LRRC7: variants seen among roughly 807,000 people sequenced by gnomAD.
LRRC7 encodes the protein leucine rich repeat containing 7, also known as leucine-rich repeat-containing protein 7.
Under a neutral mutation model 175.7 loss-of-function variants are expected in LRRC7, and 23 were observed. The ratio of observed to expected loss-of-function variants is 0.13; its 90% confidence interval spans 0.09 to 0.19. The LOEUF is 0.19. LRRC7 is among the 10% of genes least tolerant of loss of function. The pLI is 1.00. For missense variants in LRRC7, 1,354 were observed against 1,904.7 expected (o/e 0.71, Z 5.38); for synonymous variants, 685 against 680.9 (o/e 1.01, Z -0.09).
intron 7 of LRRC7, among the ~76,000 whole-genome samples, chr1:69,852,685 T>A (rs1683119630): frequency 6.6e-6 from 1 of 152,238 alleles, no homozygotes; most frequent in Non-Finnish European, 1.5e-5. Flanking sequence ...ATTTGCTTTC[T>A]TAAGTTAGTT....
chr1:69,927,984 T>C (rs1647141717), intron 7 of LRRC7, among the ~76,000 whole-genome samples: 1 of 152,200 alleles, frequency 6.6e-6, no homozygotes, highest in Non-Finnish European at 1.5e-5. Flanking sequence ...AGATGGGTTT[T>C]TGCTGTGGAT....
chr1:69,764,778 T>TAGATAGATAGATAGATAGATAGAC (rs1427408341), intron 3 of LRRC7, among the ~76,000 whole-genome samples: 7 of 144,402 alleles, frequency 4.8e-5, no homozygotes, highest in African/African-American at 1.5e-4. Context: ...GATAGATAGA[T>TAGATAGATAGATAGATAGATAGAC]AGACAGACAG....
intron 2 of LRRC7, among the ~76,000 whole-genome samples, chr1:69,698,248 A>T (rs911663197): frequency 6.6e-6 from 1 of 152,346 alleles, no homozygotes; most frequent in East Asian, 1.9e-4. Context: ...ATTAAAGTGC[A>T]ATCGAGAGAG....
intron 3 of LRRC7, among the ~76,000 whole-genome samples, chr1:69,762,905 A>G (rs564008361): frequency 3.9e-5 from 6 of 152,128 alleles, no homozygotes; most frequent in African/African-American, 1.4e-4. Flanking sequence ...AAGAAATTTT[A>G]CATAATCTTT....
chr1:69,922,962 C>G (rs1040074371), intron 7 of LRRC7, among the ~76,000 whole-genome samples: 1 of 151,878 alleles, frequency 6.6e-6, no homozygotes, highest in African/African-American at 2.4e-5. Flanking sequence ...CCCTATCCCT[C>G]CCCCCTCCTG....
intron 1 of LRRC7, among the ~76,000 whole-genome samples, chr1:69,673,041 T>TA (rs1659308529): frequency 5.9e-5 from 9 of 152,196 alleles, no homozygotes; most frequent in Admixed American, 5.9e-4. Flanking sequence ...CCTGAATGAA[T>TA]TCAATGGACT....
At chr1:69,846,304 T>C (rs1682361537) in intron 7 of LRRC7, among the ~76,000 whole-genome samples, 1 of 152,088 alleles carries the variant, frequency 6.6e-6, no homozygotes, top group Admixed American at 6.6e-5. Flanking sequence ...AATGATAATA[T>C]TATGGTTAGC....
At chr1:69,979,211 G>C (rs1653157981) in intron 8 of LRRC7, among the ~76,000 whole-genome samples, 1 of 152,132 alleles carries the variant, frequency 6.6e-6, no homozygotes, top group Non-Finnish European at 1.5e-5. Context: ...GCACTAGTTA[G>C]CTGAGGCCTT....
Position 70,038,171 on chromosome 1 carries a change from G to C in LRRC7, c.2347G>C (p.Ala783Pro). The part of the protein sequence containing the change: ...DSKPLLSQRE[A>P]VPPGNIPQRP... Reference sequence around the variant, plus strand: ...AAAGCCATTACTCAGCCAGCGGGAGGCTGTTCCCCCAGGCAATATACCACA... The same window carrying C: ...AAAGCCATTACTCAGCCAGCGGGAGCCTGTTCCCCCAGGCAATATACCACA... Residue 783 changes from alanine (A) to proline (P), a missense_variant, in exon 21 of 27, where the codon GCT becomes CCT. Coordinates refer to ENST00000651989, the MANE Select transcript of LRRC7 (RefSeq NM_001370785.2). 6.2e-7 allele frequency: 1 copy of C among 1,613,968 alleles called. No homozygotes were observed. The highest frequency in any genetic ancestry group is 8.5e-7 in the Non-Finnish European group (1 of 1,179,956).
Position 69,828,766 on chromosome 1 carries a change from G to A in LRRC7, c.500+2940G>A, listed in dbSNP as rs942417024. ...AATTTTAAGCTGCATAAATGAAGAT[G>A]TTTTGATGTAAAATGCCTTTCCAGC... is the stretch of plus-strand genomic sequence containing the variant. On this transcript the variant is annotated intron_variant, in intron 5 of 26. Transcript: ENST00000651989. Among the ~76,000 whole-genome samples the A allele has an allele frequency of 3.3e-5, 5 of 152,078 alleles. No homozygotes were observed. The East Asian group carries it at 9.7e-4, about 29-fold the overall frequency.
intron 25 of LRRC7, among the ~76,000 whole-genome samples, chr1:70,104,555 A>G (rs1010984198): frequency 2.0e-5 from 3 of 152,138 alleles, no homozygotes; most frequent in Non-Finnish European, 4.4e-5. Context: ...GGAAAAAAGG[A>G]AACTATACCA....
chr1:69,738,312 A>T (rs551599296), intron 2 of LRRC7, among the ~76,000 whole-genome samples: 3 of 152,222 alleles, frequency 2.0e-5, no homozygotes, highest in Admixed American at 2.0e-4. Flanking sequence ...TGACCCTGTC[A>T]TCCCATAAGC....
At chr1:69,907,841 A>C (rs1046197622) in intron 7 of LRRC7, among the ~76,000 whole-genome samples, 1 of 152,144 alleles carries the variant, frequency 6.6e-6, no homozygotes, top group African/African-American at 2.4e-5. Context: ...GAATGGTACC[A>C]GTTCCTCCTT....
rs1341620718 is a variant in LRRC7 at position 69,903,020 on chromosome 1, A to T, written c.648-28487A>T. 2.6e-5 allele frequency among the ~76,000 whole-genome samples: 4 copies of T among 152,158 alleles called. No homozygotes were observed. The East Asian group carries it at 7.7e-4, about 29-fold the overall frequency. On this transcript the variant is annotated intron_variant, in intron 7 of 26. Coordinates refer to ENST00000651989, the MANE Select transcript of LRRC7 (RefSeq NM_001370785.2). ...TCTGATAGTTGTCCTTTTATATTTT[A>T]TTTCGCAACTTCCAAATGCCAATTG...
intron 1 of LRRC7, among the ~76,000 whole-genome samples, chr1:69,602,209 C>A (rs1412630825): frequency 6.6e-6 from 1 of 152,194 alleles, no homozygotes; most frequent in Non-Finnish European, 1.5e-5. Context: ...CAGAATCTTT[C>A]TGTTTTCTCC....
At chr1:70,107,693 T>C (rs1665241210) in intron 25 of LRRC7, 59 bp from the exon 26 acceptor site, 3 of 1,281,452 alleles carry the variant, frequency 2.3e-6, no homozygotes, top group Non-Finnish European at 3.4e-6. Context: ...TGAAGATTTG[T>C]TTAAGTAGGC....
At chr1:70,092,744 G>A (rs1219663343) in intron 25 of LRRC7, among the ~76,000 whole-genome samples, 1 of 152,092 alleles carries the variant, frequency 6.6e-6, no homozygotes, top group Non-Finnish European at 1.5e-5. Context: ...TCTACGTTCT[G>A]GGGTAATGTG....
intron 8 of LRRC7, among the ~76,000 whole-genome samples, chr1:69,937,894 G>C (rs1313718816): frequency 6.6e-6 from 1 of 151,644 alleles, no homozygotes; most frequent in Non-Finnish European, 1.5e-5. Context: ...AAATTATACG[G>C]TATTAATTTC....
chr1:69,636,797 C>A (rs1653429423), intron 1 of LRRC7, among the ~76,000 whole-genome samples: 1 of 151,846 alleles, frequency 6.6e-6, no homozygotes, highest in East Asian at 1.9e-4. Flanking sequence ...TTAATATATT[C>A]ATTGGAGGAA....
Sources: gnomAD v4.1 joint callset for allele counts (sites outside exome capture counted in the v4.1 genomes callset) on GRCh38, gnomAD v4.1.1 for gene constraint, MANE v1.5 for transcripts, NCBI Gene and HGNC (gene_info 2026-07-23, HGNC 2026-07-21) for gene names.